Variants in SLC25A11 observed in about 807,000 individuals in gnomAD.
SLC25A11 encodes the protein solute carrier family 25 member 11.
SLC25A11 carries 11 observed loss-of-function variants against 32.7 expected under a neutral mutation model. The observed-to-expected ratio is 0.34, with a 90% CI of 0.21 to 0.56. The LOEUF (loss-of-function observed/expected upper bound fraction) is 0.56, where lower values mean the gene tolerates loss of function less well. Among genes scored for constraint, SLC25A11 ranks in the 20% least tolerant of loss-of-function variants. The pLI, the probability that SLC25A11 is intolerant of heterozygous loss-of-function variation, is 0.90. For synonymous variants in SLC25A11, 163 were observed against 168.3 expected (o/e 0.97, Z 0.24); for missense variants, 295 against 426.3 (o/e 0.69, Z 2.71).
chr17:4,938,772 C>T lies in SLC25A11; in HGVS notation c.452G>A (p.Gly151Asp). The change falls in exon 3 of 8, where the codon GGC (glycine) becomes GAC (aspartate). Residue 151 changes from glycine to aspartate, a missense_variant. Gly to Asp is a moderately conservative substitution (Grantham distance 94). Transcript: ENST00000225665. This position sits in a 1 kb window ranked among gnomAD's most constrained non-coding sequence, Gnocchi z 7.6. ...EVALIRMTAD[G>D]RLPADQRRGY... is the part of the protein sequence containing the mutation. ...TAGGTTCAGACTTGGAACTCACCGGCCATCGGCAGTCATGCGGATAAGAGC... is the reference window on the plus strand; with the variant it reads ...TAGGTTCAGACTTGGAACTCACCGGTCATCGGCAGTCATGCGGATAAGAGC... 6.2e-7 allele frequency: 1 copy of T among 1,608,546 alleles called. No individual in the cohort carries two copies. Among genetic ancestry groups the T allele is most frequent in the Non-Finnish European group, 8.5e-7 (1 of 1,176,174 alleles).
Position 4,939,185 on chromosome 17 carries a change from G to C in SLC25A11, c.123C>G (p.Pro41=), listed in dbSNP as rs766638262. 10 of 1,609,734 alleles carry C rather than the reference G, an allele frequency of 6.2e-6. 1 individual carries two copies. The highest frequency in any genetic ancestry group is 6.8e-6 in the Non-Finnish European group (8 of 1,176,406). ...AGMGATVFVQ[P]LDLVKNRMQL... is the part of the protein sequence containing the mutation. Reference sequence around the variant, plus strand: ...GCATCCGGTTCTTCACCAGGTCCAGGGGCTGGACAAAAACTGTAGCTCCCA... The same window carrying C: ...GCATCCGGTTCTTCACCAGGTCCAGCGGCTGGACAAAAACTGTAGCTCCCA... Residue 41 remains proline, a synonymous_variant, in exon 2 of 8, where the codon CCC becomes CCG. Transcript: ENST00000225665. This position sits in a 1 kb window ranked among gnomAD's most constrained non-coding sequence, Gnocchi z 4.1.
rs1970504736 is a variant in SLC25A11 at position 4,938,667 on chromosome 17, G to A, written c.456-65C>T. 6.3e-7 allele frequency: 1 copy of A among 1,590,204 alleles called. No homozygotes were observed. On this transcript the variant is annotated intron_variant, in intron 3 of 7. Coordinates refer to ENST00000225665, the MANE Select transcript of SLC25A11 (RefSeq NM_003562.5). The surrounding 1 kb of genome is among the most constrained non-coding windows in gnomAD (Gnocchi z 7.6). ...CACAGGTGCAAAGAAAGGAAGGCCA[G>A]AACAGGTAAACACTCTGCTCCAGAT...
Position 4,939,488 on chromosome 17 carries a change from G to A in SLC25A11, c.96-276C>T. On this transcript the variant is annotated intron_variant, in intron 1 of 7. Coordinates refer to ENST00000225665, the MANE Select transcript of SLC25A11 (RefSeq NM_003562.5). This position sits in a 1 kb window ranked among gnomAD's most constrained non-coding sequence, Gnocchi z 4.1. ...GGCTGCACGCAGTCCGACACAGGGA[G>A]GGGAGGAAGGGGCATCCAAGATTTA... 3.5e-6 allele frequency: 2 copies of A among 575,984 alleles called. No individual in the cohort carries two copies. The highest frequency in any genetic ancestry group is 2.2e-5 in the South Asian group (1 of 45,412). The allele number at this position is 575,984 out of a possible 1,614,324, so 35.7% of individuals were successfully genotyped here. A position where few individuals can be genotyped will look rare whatever the true frequency, so the allele number is the denominator to read the frequency against.
In SLC25A11 at chr17:4,937,496, G is replaced by C. The variant is rs1019621627; in HGVS notation, c.*245C>G. 3.1e-5 allele frequency: 11 copies of C among 352,078 alleles called. No homozygotes were observed. Among genetic ancestry groups the C allele is most frequent in the Non-Finnish European group, 5.2e-5 (11 of 210,170 alleles). 21.8% of individuals were successfully genotyped at this position (352,078 alleles called of 1,614,324 possible). On this transcript the variant is annotated 3_prime_UTR_variant, in exon 8 of 8. Transcript: ENST00000225665. ...GTGTGCCCTGAAACTAAAACCCAGG[G>C]GGAGGCCAGAAATCCTCAGAAGTTT...
In SLC25A11 at chr17:4,938,028, C is replaced by T. The variant is rs371980955; in HGVS notation, c.784G>A (p.Gly262Arg). The part of the protein sequence containing the change: ...MIDGKPEYKN[G>R]LDVLFKVVRY... ...CCCCAGAATGGCTTCCTCACCAGCC[C>T]GTTCTTGTATTCCGGCTTCCCATCA... Residue 262 changes from glycine to arginine, a missense_variant, in exon 7 of 8, where the codon GGG becomes AGG. Physicochemically the swap from Gly to Arg is moderately radical, Grantham distance 125. This residue lies in a region of SLC25A11 where 142 missense variants were observed against 197.8 expected (regional missense o/e 0.72). Transcript: ENST00000225665. The surrounding 1 kb of genome is among the most constrained non-coding windows in gnomAD (Gnocchi z 7.6). 2 of 1,614,186 alleles carry T rather than the reference C, an allele frequency of 1.2e-6. No homozygotes were observed. The highest frequency in any genetic ancestry group is 1.7e-6 in the Non-Finnish European group (2 of 1,180,032).
At position 4,939,167 on chromosome 17, in the gene SLC25A11, G is replaced by A. The variant is rs767943815; in HGVS notation, c.141C>T (p.Asn47=). 4 of 1,612,962 alleles carry A rather than the reference G, an allele frequency of 2.5e-6. No individual in the cohort carries two copies. Among genetic ancestry groups the A allele is most frequent in the Non-Finnish European group, 3.4e-6 (4 of 1,179,052 alleles). The change falls in exon 2 of 8, where the codon AAC becomes AAT. Residue 47 remains asparagine (N), a synonymous_variant. Coordinates refer to ENST00000225665, the MANE Select transcript of SLC25A11 (RefSeq NM_003562.5). The surrounding 1 kb of genome is among the most constrained non-coding windows in gnomAD (Gnocchi z 4.1). ...VFVQPLDLVK[N]RMQLSGEGAK... ...CCCCTTCCCCGCTCAACTGCATCCG[G>A]TTCTTCACCAGGTCCAGGGGCTGGA...
In SLC25A11 at chr17:4,938,261, A is replaced by T; in HGVS notation, c.638-8T>A. ...TGTTGTCAGAGAAGTAGCCTGGGGG[A>T]GGTGAGGCGGGGGTGGCAGTCAGCT... On this transcript the variant is annotated splice_region_variant and splice_polypyrimidine_tract_variant and intron_variant, in intron 5 of 7. Transcript: ENST00000225665. This position sits in a 1 kb window ranked among gnomAD's most constrained non-coding sequence, Gnocchi z 7.6. 6.2e-7 allele frequency: 1 copy of T among 1,612,926 alleles called. No homozygotes were observed. Among genetic ancestry groups the T allele is most frequent in the Non-Finnish European group, 8.5e-7 (1 of 1,179,388 alleles).
Position 4,939,119 on chromosome 17 carries a change from G to C in SLC25A11, c.189C>G (p.Thr63=), listed in dbSNP as rs1365298170. 6.2e-7 allele frequency: 1 copy of C among 1,614,084 alleles called. No individual in the cohort carries two copies. The highest frequency in any genetic ancestry group is 2.2e-5 in the East Asian group (1 of 44,880). ...GEGAKTREYK[T]SFHALTSILK... ...GGATACTGGTGAGGGCATGGAAGCT[G>C]GTTTTGTACTCTCGAGTCTTGGCCC... Residue 63 remains threonine, a synonymous_variant, in exon 2 of 8, where the codon ACC becomes ACG. Transcript: ENST00000225665. This position sits in a 1 kb window ranked among gnomAD's most constrained non-coding sequence, Gnocchi z 4.1.
intron 7 of SLC25A11, 28 bp from the exon 8 acceptor site, chr17:4,937,924 G>A (rs199821367): frequency 6.2e-7 from 1 of 1,612,666 alleles, no homozygotes; most frequent in Non-Finnish European, 8.5e-7. Context: ...GGGCGCTGGG[G>A]CTAGGACTCT....
chr17:4,939,284 C>T lies in SLC25A11; in HGVS notation c.96-72G>A, dbSNP rs1597648783. The T allele has an allele frequency of 5.3e-6, 8 of 1,502,212 alleles. No individual in the cohort carries two copies. In the South Asian group the frequency reaches 8.7e-5, roughly 16 times the overall value. The allele number at this position is 1,502,212 out of a possible 1,614,324, so 93.1% of individuals were successfully genotyped here. ...ACCAGTGCCCACTGGAGCCTGGCAG[C>T]AAGAGGTTACAAAGGTCAGGGCCTG... On this transcript the variant is annotated intron_variant, in intron 1 of 7. Transcript: ENST00000225665. This position sits in a 1 kb window ranked among gnomAD's most constrained non-coding sequence, Gnocchi z 4.1.
In SLC25A11 at chr17:4,939,523, G is replaced by A; in HGVS notation, c.95+293C>T. The A allele has an allele frequency of 1.0e-5, 6 of 577,378 alleles. No homozygotes were observed. The highest frequency in any genetic ancestry group is 1.8e-5 in the Non-Finnish European group (6 of 326,532). The allele number at this position is 577,378 out of a possible 1,614,324, so 35.8% of individuals were successfully genotyped here. ...GGGCATCCAAGATTTAGGACTCCAG[G>A]TAGTCCTGCAGGAGCCATTTAATGG... On this transcript the variant is annotated intron_variant, in intron 1 of 7. Transcript: ENST00000225665. The surrounding 1 kb of genome is among the most constrained non-coding windows in gnomAD (Gnocchi z 4.1).
At position 4,939,693 on chromosome 17, in the gene SLC25A11, G is replaced by T; in HGVS notation, c.95+123C>A. ...CAGCCCATCGGGGAACTCGCAATAC[G>T]CTGGAGATCGCGCTGACCCCGTGCC... On this transcript the variant is annotated intron_variant, in intron 1 of 7. Coordinates refer to ENST00000225665, the MANE Select transcript of SLC25A11 (RefSeq NM_003562.5). This position sits in a 1 kb window ranked among gnomAD's most constrained non-coding sequence, Gnocchi z 4.1. 1.3e-6 allele frequency: 1 copy of T among 787,366 alleles called. No individual in the cohort carries two copies. The highest frequency in any genetic ancestry group is 2.1e-6 in the Non-Finnish European group (1 of 466,422). 48.8% of individuals were successfully genotyped at this position (787,366 alleles called of 1,614,324 possible).
chr17:4,939,508 G>T lies in SLC25A11; in HGVS notation c.96-296C>A. ...AGGGAGGGGAGGAAGGGGCATCCAA[G>T]ATTTAGGACTCCAGGTAGTCCTGCA... is the stretch of plus-strand genomic sequence containing the variant. On this transcript the variant is annotated intron_variant, in intron 1 of 7. Coordinates refer to ENST00000225665, the MANE Select transcript of SLC25A11 (RefSeq NM_003562.5). This position sits in a 1 kb window ranked among gnomAD's most constrained non-coding sequence, Gnocchi z 4.1. 1.7e-6 allele frequency: 1 copy of T among 575,748 alleles called. No homozygotes were observed. The highest frequency in any genetic ancestry group is 2.2e-5 in the South Asian group (1 of 45,668). The allele number at this position is 575,748 out of a possible 1,614,324, so 35.7% of individuals were successfully genotyped here. A position where few individuals can be genotyped will look rare whatever the true frequency, so the allele number is the denominator to read the frequency against.
At position 4,938,162 on chromosome 17, in the gene SLC25A11, G is replaced by A. The variant is rs1970473957; in HGVS notation, c.729C>T (p.Ala243=). ...TTAASMPVDI[A]KTRIQNMRMI... is the part of the protein sequence containing the mutation. The stretch of plus-strand genomic sequence containing the variant: ...CCAGGCTGCACACTCACCGGGTCTT[G>A]GCAATGTCCACAGGCATGGAGGCAG... The change falls in exon 6 of 8, where the codon GCC becomes GCT. Residue 243 remains alanine, a synonymous_variant. Coordinates refer to ENST00000225665, the MANE Select transcript of SLC25A11 (RefSeq NM_003562.5). This position sits in a 1 kb window ranked among gnomAD's most constrained non-coding sequence, Gnocchi z 7.6. 2 of 1,614,046 alleles carry A rather than the reference G, an allele frequency of 1.2e-6. No homozygotes were observed. The highest frequency in any genetic ancestry group is 1.3e-5 in the African/African-American group (1 of 74,930).
rs748844918 is a variant in SLC25A11, at chr17:4,938,217, G to A, written c.674C>T (p.Ala225Val). ...GGTGACAAGACCGCTGATCATGCTG[G>A]CACAGAAGTGGCACAAGATGTTGTC... ...FSDNILCHFCASMISGLVTTA... is the reference protein window; with the variant it reads ...FSDNILCHFCVSMISGLVTTA... Residue 225 changes from alanine (A) to valine (V), a missense_variant, in exon 6 of 8, where the codon GCC becomes GTC. Transcript: ENST00000225665. The surrounding 1 kb of genome is among the most constrained non-coding windows in gnomAD (Gnocchi z 7.6). The A allele has an allele frequency of 6.2e-7, 1 of 1,614,000 alleles. No individual in the cohort carries two copies. The highest frequency in any genetic ancestry group is 1.1e-5 in the South Asian group (1 of 91,070).
In SLC25A11 at chr17:4,939,230, T is replaced by A; in HGVS notation, c.96-18A>T. The A allele has an allele frequency of 6.3e-7, 1 of 1,595,676 alleles. No individual in the cohort carries two copies. On this transcript the variant is annotated intron_variant, in intron 1 of 7. Coordinates refer to ENST00000225665, the MANE Select transcript of SLC25A11 (RefSeq NM_003562.5). The surrounding 1 kb of genome is among the most constrained non-coding windows in gnomAD (Gnocchi z 4.1). ...CTCCCATCCTGGGGGAAGACAGAGGTGGAGTGAAGGGCCAGGCATTCCAGA... is the reference window on the plus strand; with the variant it reads ...CTCCCATCCTGGGGGAAGACAGAGGAGGAGTGAAGGGCCAGGCATTCCAGA...
In SLC25A11 at chr17:4,939,200, T is replaced by C. The variant is rs751617460; in HGVS notation, c.108A>G (p.Thr36=). Residue 36 remains threonine (T), a synonymous_variant, in exon 2 of 8, where the codon ACA becomes ACG. Coordinates refer to ENST00000225665, the MANE Select transcript of SLC25A11 (RefSeq NM_003562.5). The surrounding 1 kb of genome is among the most constrained non-coding windows in gnomAD (Gnocchi z 4.1). ...CCAGGTCCAGGGGCTGGACAAAAACTGTAGCTCCCATCCTGGGGGAAGACA... is the reference window on the plus strand; with the variant it reads ...CCAGGTCCAGGGGCTGGACAAAAACCGTAGCTCCCATCCTGGGGGAAGACA... The part of the protein sequence containing the change: ...LFGGLAGMGA[T]VFVQPLDLVK... 2.5e-6 allele frequency: 4 copies of C among 1,604,972 alleles called. No individual in the cohort carries two copies. Among genetic ancestry groups the C allele is most frequent in the Non-Finnish European group, 3.4e-6 (4 of 1,172,482 alleles).
Position 4,937,874 on chromosome 17 carries a change from C to A in SLC25A11, c.812G>T (p.Arg271Leu). 2.5e-6 allele frequency: 4 copies of A among 1,613,498 alleles called. No individual in the cohort carries two copies. The highest frequency in any genetic ancestry group is 1.7e-5 in the Admixed American group (1 of 59,946). ...CCACAGGCTGAAGAAGCCCTCGTAGCGGACAACTTTGAACAGCACGTCCTA... is the reference window on the plus strand; with the variant it reads ...CCACAGGCTGAAGAAGCCCTCGTAGAGGACAACTTTGAACAGCACGTCCTA... ...NGLDVLFKVV[R>L]YEGFFSLWKG... The change falls in exon 8 of 8, where the codon CGC becomes CTC. Residue 271 changes from arginine to leucine, a missense_variant. This residue lies in a region of SLC25A11 where 142 missense variants were observed against 197.8 expected (regional missense o/e 0.72). Transcript: ENST00000225665.
rs1970453607 is a variant in SLC25A11 at position 4,937,617 on chromosome 17, T to C, written c.*124A>G. 8.4e-7 allele frequency: 1 copy of C among 1,186,638 alleles called. No individual in the cohort carries two copies. Among genetic ancestry groups the C allele is most frequent in the Non-Finnish European group, 1.2e-6 (1 of 855,012 alleles). The allele number at this position is 1,186,638 out of a possible 1,614,324, so 73.5% of individuals were successfully genotyped here. On this transcript the variant is annotated 3_prime_UTR_variant, in exon 8 of 8. Coordinates refer to ENST00000225665, the MANE Select transcript of SLC25A11 (RefSeq NM_003562.5). ...AGGGGGTAGAACAGACCAAGTCCTT[T>C]ACCGCAGAGGAAGAAACCACACTGT...
Sources: allele counts gnomAD v4.1 joint callset, GRCh38; gene constraint gnomAD v4.1.1; regional missense constraint gnomAD v4.1.1; non-coding constraint Gnocchi (gnomAD v3.1); transcripts MANE v1.5; gene names NCBI Gene and HGNC (gene_info 2026-07-23, HGNC 2026-07-21).